MRPS28: variants seen among roughly 807,000 people sequenced by gnomAD.
MRPS28 encodes mitochondrial ribosomal protein S28, also known as small ribosomal subunit protein bS1m.
In MRPS28, 7 loss-of-function variants were observed where a neutral mutation model predicts 10.8. That is an observed-to-expected ratio of 0.65 (90% CI 0.37 to 1.22). The LOEUF (loss-of-function observed/expected upper bound fraction) is 1.22. MRPS28 is among the 50% of genes most tolerant of loss of function. MRPS28 has a pLI of 0.02. For missense variants in MRPS28, 265 were observed against 232.9 expected (o/e 1.14, Z -0.90); for synonymous variants, 121 against 93.3 (o/e 1.30, Z -1.71).
chr8:80,020,415 T>C (rs972221917), intron 1 of MRPS28, among the ~76,000 whole-genome samples: 21 of 152,230 alleles, frequency 1.4e-4, no homozygotes, highest in African/African-American at 4.3e-4. Context: ...TCCATTCAGA[T>C]GGTTGAGGGG....
chr8:79,974,574 CA>C (rs531560573), intron 2 of MRPS28, among the ~76,000 whole-genome samples: 5 of 144,576 alleles, frequency 3.5e-5, no homozygotes, highest in African/African-American at 5.0e-5. Flanking sequence ...AATAAAAAAA[CA>C]AAAAAAAAAC....
At chr8:80,023,288 G>A (rs993781612) in intron 1 of MRPS28, among the ~76,000 whole-genome samples, 4 of 152,038 alleles carry the variant, frequency 2.6e-5, no homozygotes, top group African/African-American at 9.7e-5. Flanking sequence ...AAAGTTGTCA[G>A]TAAAACTGAT....
chr8:79,978,170 A>G (rs548217028), intron 2 of MRPS28, among the ~76,000 whole-genome samples: 1 of 152,332 alleles, frequency 6.6e-6, no homozygotes, highest in East Asian at 1.9e-4. Flanking sequence ...ATTTAAGTGA[A>G]CTTAATTAAA....
chr8:79,976,461 T>C (rs545001000), intron 2 of MRPS28, among the ~76,000 whole-genome samples: 5 of 152,126 alleles, frequency 3.3e-5, no homozygotes, highest in African/African-American at 9.7e-5. Flanking sequence ...TCCCAGCACA[T>C]TGAGAGGCCA....
chr8:79,924,356 ATTTG>A lies in MRPS28; in HGVS notation c.396-5212_396-5209del, dbSNP rs1419470323. Among the ~76,000 whole-genome samples, 6 of 152,260 alleles carry A rather than the reference ATTTG, an allele frequency of 3.9e-5. No homozygotes were observed. The East Asian group carries it at 9.6e-4, about 24-fold the overall frequency. On this transcript the variant is annotated intron_variant, in intron 2 of 2. Transcript: ENST00000276585. ...ATTTCTAAAGGTTTAATTAACATCA[ATTTG>A]TTTATTTTTCTAATTCATACAAATG... is the stretch of plus-strand genomic sequence containing the variant.
intron 1 of MRPS28, among the ~76,000 whole-genome samples, chr8:80,020,794 C>T (rs1809337153): frequency 6.6e-6 from 1 of 152,090 alleles, no homozygotes; most frequent in African/African-American, 2.4e-5. Flanking sequence ...GGCCAACGAA[C>T]ACACATTTAC....
intron 2 of MRPS28, among the ~76,000 whole-genome samples, chr8:79,919,820 TAA>T (rs1810024825): frequency 6.6e-6 from 1 of 152,180 alleles, no homozygotes; most frequent in Non-Finnish European, 1.5e-5. Flanking sequence ...TATTACACTT[TAA>T]GTTTTAGGGT....
intron 2 of MRPS28, among the ~76,000 whole-genome samples, chr8:79,994,172 A>C (rs1257075033): frequency 6.6e-6 from 1 of 152,230 alleles, no homozygotes; most frequent in Non-Finnish European, 1.5e-5. Context: ...TCGAAAAATC[A>C]AAACTAAAAT....
chr8:80,026,704 G>A (rs1809501299), intron 1 of MRPS28, among the ~76,000 whole-genome samples: 1 of 152,124 alleles, frequency 6.6e-6, no homozygotes, highest in Non-Finnish European at 1.5e-5. Flanking sequence ...GGCACCACAA[G>A]TTAACATATT....
intron 2 of MRPS28, among the ~76,000 whole-genome samples, chr8:79,959,849 C>T (rs1376672354): frequency 1.3e-5 from 2 of 152,134 alleles, no homozygotes; most frequent in African/African-American, 2.4e-5. Context: ...TTCAGAGGCT[C>T]ATAATCTTAT....
At chr8:80,004,880 G>C (rs1808782514) in intron 1 of MRPS28, among the ~76,000 whole-genome samples, 1 of 152,198 alleles carries the variant, frequency 6.6e-6, no homozygotes, top group African/African-American at 2.4e-5. Context: ...GGAAGAAAGG[G>C]TATCAGTGAT....
chr8:79,970,045 A>C (rs1807591231), intron 2 of MRPS28, among the ~76,000 whole-genome samples: 3 of 152,208 alleles, frequency 2.0e-5, no homozygotes, highest in Admixed American at 2.0e-4. Context: ...CCATTCCTAC[A>C]GTACTTATCA....
intron 2 of MRPS28, among the ~76,000 whole-genome samples, chr8:79,975,933 G>A (rs980909102): frequency 6.6e-6 from 1 of 152,162 alleles, no homozygotes; most frequent in Non-Finnish European, 1.5e-5. Flanking sequence ...AGTTAAAGAA[G>A]TTGTAGTAGT....
At chr8:80,000,517 AACAG>A (rs1012604812) in intron 2 of MRPS28, among the ~76,000 whole-genome samples, 2 of 152,206 alleles carry the variant, frequency 1.3e-5, no homozygotes, top group Non-Finnish European at 2.9e-5. Context: ...CTGGGGGGAG[AACAG>A]ACAGAGATGG....
intron 1 of MRPS28, 42 bp downstream of exon 1, chr8:80,029,993 TG>T (rs1809611252): frequency 6.3e-7 from 1 of 1,598,032 alleles, no homozygotes; most frequent in Admixed American, 1.7e-5. Flanking sequence ...ACCGCGTCGT[TG>T]GCGTAATTCC....
At chr8:79,940,828 C>CTG (rs1176448468) in intron 2 of MRPS28, among the ~76,000 whole-genome samples, 7 of 152,206 alleles carry the variant, frequency 4.6e-5, no homozygotes, top group African/African-American at 1.7e-4. Context: ...AACAAGCAGT[C>CTG]TACAGTACCC....
At position 80,003,177 on chromosome 8, in the gene MRPS28, A is replaced by T; in HGVS notation, c.217T>A (p.Ser73Thr). 2 of 1,574,104 alleles carry T rather than the reference A, an allele frequency of 1.3e-6. No homozygotes were observed. Among genetic ancestry groups the T allele is most frequent in the Non-Finnish European group, 1.7e-6 (2 of 1,165,726 alleles). Residue 73 changes from serine to threonine, a missense_variant, in exon 2 of 3, where the codon TCT becomes ACT. Ser to Thr is a moderately conservative substitution (Grantham distance 58). Transcript: ENST00000276585. ...LQKVEPLQKG[S>T]PKNVESFASM... ...GCAAAGGATTCCACATTTTTTGGAG[A>T]ACCCTAAATATGAAAAGAGATATTT...
intron 1 of MRPS28, among the ~76,000 whole-genome samples, chr8:80,013,728 GT>G (rs1809122250): frequency 1.3e-5 from 2 of 151,538 alleles, no homozygotes; most frequent in African/African-American, 4.8e-5. Context: ...CTTCATACTG[GT>G]TAGCAAGAAA....
chr8:79,920,625 T>C (rs1204524484), intron 2 of MRPS28, among the ~76,000 whole-genome samples: 1 of 152,238 alleles, frequency 6.6e-6, no homozygotes, highest in African/African-American at 2.4e-5. Context: ...CTTCATCCAC[T>C]TTTTGATGGG....
Sources: gnomAD v4.1 joint callset for allele counts (sites outside exome capture counted in the v4.1 genomes callset) on GRCh38, gnomAD v4.1.1 for gene constraint, MANE v1.5 for transcripts, NCBI Gene and HGNC (gene_info 2026-07-23, HGNC 2026-07-21) for gene names.